The following SLC25A13 variants were observed in gnomAD, a reference collection of about 807,000 sequenced individuals.
SLC25A13 encodes solute carrier family 25 member 13.
In SLC25A13, 70 loss-of-function variants were observed where a neutral mutation model predicts 85.5. That is an observed-to-expected ratio of 0.82 (90% CI 0.68 to 1.00). The LOEUF is 1.00. SLC25A13 is among the 50% of genes least tolerant of loss of function. The pLI is 0.00. For missense variants in SLC25A13, 765 were observed against 819.8 expected (o/e 0.93, Z 0.82); for synonymous variants, 259 against 288.7 (o/e 0.90, Z 1.04).
chr7:96,139,239 T>C (rs1792422481), intron 14 of SLC25A13, among the ~76,000 whole-genome samples: 1 of 152,208 alleles, frequency 6.6e-6, no homozygotes, highest in South Asian at 2.1e-4. Flanking sequence ...AGAAAAATTT[T>C]TTTTTCAAAC....
At chr7:96,279,421 T>G (rs1030782519) in intron 2 of SLC25A13, among the ~76,000 whole-genome samples, 11 of 152,188 alleles carry the variant, frequency 7.2e-5, no homozygotes, top group Non-Finnish European at 1.2e-4. Flanking sequence ...GACTCACAGT[T>G]CCACATGGCT....
chr7:96,290,432 C>A (rs1288074747), intron 2 of SLC25A13, among the ~76,000 whole-genome samples: 1 of 152,024 alleles, frequency 6.6e-6, no homozygotes, highest in Non-Finnish European at 1.5e-5. Context: ...ACAATATTAA[C>A]CTTAAATGTA....
chr7:96,221,464 A>T (rs923915898), intron 4 of SLC25A13, among the ~76,000 whole-genome samples: 30 of 152,192 alleles, frequency 2.0e-4, no homozygotes, highest in Admixed American at 1.6e-3. Context: ...ATCAGAACCA[A>T]TATTAATGAA....
At chr7:96,314,023 A>G (rs1664143852) in intron 1 of SLC25A13, among the ~76,000 whole-genome samples, 1 of 152,170 alleles carries the variant, frequency 6.6e-6, no homozygotes, top group African/African-American at 2.4e-5. Flanking sequence ...TTCTATATGC[A>G]TATGTCATGC....
chr7:96,256,176 A>T (rs1797628787), intron 3 of SLC25A13, among the ~76,000 whole-genome samples: 1 of 152,216 alleles, frequency 6.6e-6, no homozygotes, highest in Non-Finnish European at 1.5e-5. Context: ...ACTAATGGGC[A>T]AAATAAATGG....
chr7:96,280,605 C>T (rs1352484538), intron 2 of SLC25A13, among the ~76,000 whole-genome samples: 3 of 152,048 alleles, frequency 2.0e-5, no homozygotes, highest in African/African-American at 7.3e-5. Flanking sequence ...GTCCCAGCTA[C>T]TTGGGAGACT....
At chr7:96,231,768 G>C (rs1170287785) in intron 4 of SLC25A13, among the ~76,000 whole-genome samples, 1 of 151,452 alleles carries the variant, frequency 6.6e-6, no homozygotes, top group Non-Finnish European at 1.5e-5. Flanking sequence ...AACATGAACA[G>C]ATATTTTCAA....
intron 4 of SLC25A13, among the ~76,000 whole-genome samples, chr7:96,222,533 C>T (rs1303915172): frequency 2.0e-5 from 3 of 152,154 alleles, no homozygotes; most frequent in Non-Finnish European, 2.9e-5. Context: ...GCAACCTCCA[C>T]CTCCTGGGTT....
chr7:96,193,237 T>C (rs1255453739), intron 5 of SLC25A13, 54 bp from the exon 6 acceptor site: 2 of 1,585,284 alleles, frequency 1.3e-6, no homozygotes, highest in Admixed American at 1.7e-5. Context: ...TAATAATTAC[T>C]ACAAATGACA....
In SLC25A13 at chr7:96,172,409, T is replaced by G. The variant is rs187974606; in HGVS notation, c.1178-885A>C. ...CCTGTCTCTACTAAAAATACAAAAA[T>G]TAGCTGGGTGTGGTGGCAGGCACCT... On this transcript the variant is annotated intron_variant, in intron 11 of 17. Transcript: ENST00000265631. Among the ~76,000 whole-genome samples, 23 of 151,912 alleles carry G rather than the reference T, an allele frequency of 1.5e-4. 1 individual carries two copies. In the East Asian group the frequency reaches 4.5e-3, roughly 30 times the overall value.
intron 13 of SLC25A13, among the ~76,000 whole-genome samples, chr7:96,155,141 T>G (rs544900874): frequency 5.3e-4 from 80 of 152,262 alleles, no homozygotes; most frequent in Non-Finnish European, 8.4e-4. Flanking sequence ...CTCATCTTTT[T>G]CTCTTTATTG....
At chr7:96,274,368 T>C (rs1798363482) in intron 3 of SLC25A13, among the ~76,000 whole-genome samples, 1 of 152,222 alleles carries the variant, frequency 6.6e-6, no homozygotes, top group African/African-American at 2.4e-5. Flanking sequence ...TGTTTTTTTC[T>C]TGTAGATTTG....
chr7:96,258,797 C>T (rs1414717734), intron 3 of SLC25A13, among the ~76,000 whole-genome samples: 1 of 152,162 alleles, frequency 6.6e-6, no homozygotes, highest in Admixed American at 6.5e-5. Context: ...AGGCATCATG[C>T]TACCTGACTT....
chr7:96,188,855 A>C (rs1794733116), intron 9 of SLC25A13, among the ~76,000 whole-genome samples: 1 of 152,226 alleles, frequency 6.6e-6, no homozygotes, highest in Non-Finnish European at 1.5e-5. Context: ...TTTGATATTC[A>C]GAAAAACGGA....
intron 2 of SLC25A13, among the ~76,000 whole-genome samples, chr7:96,294,501 C>T (rs987696794): frequency 7.9e-5 from 12 of 151,274 alleles, no homozygotes; most frequent in Non-Finnish European, 1.6e-4. Context: ...CCCAGCTACT[C>T]GGGAGGCTGA....
At chr7:96,242,046 C>A (rs578233683) in intron 3 of SLC25A13, among the ~76,000 whole-genome samples, 9 of 152,314 alleles carry the variant, frequency 5.9e-5, no homozygotes, top group African/African-American at 2.2e-4. Context: ...TGGTTGTAGA[C>A]AATGTACCAT....
At chr7:96,142,535 T>C (rs1011781346) in intron 14 of SLC25A13, among the ~76,000 whole-genome samples, 1 of 152,188 alleles carries the variant, frequency 6.6e-6, no homozygotes, top group East Asian at 1.9e-4. Context: ...ATTCTATGTC[T>C]TTGCTATGGA....
chr7:96,321,372 G>C (rs906332819), intron 1 of SLC25A13, among the ~76,000 whole-genome samples: 56 of 152,188 alleles, frequency 3.7e-4, no homozygotes, highest in African/African-American at 1.2e-3. Context: ...ATGGGAAAGC[G>C]GGGAGGGGGA....
intron 11 of SLC25A13, among the ~76,000 whole-genome samples, chr7:96,177,977 T>C (rs1048436799): frequency 2.0e-5 from 3 of 152,194 alleles, no homozygotes; most frequent in African/African-American, 7.2e-5. Flanking sequence ...TCTGAAACTT[T>C]TCTCTAGGCC....
Sources: allele counts gnomAD v4.1 joint callset (sites outside exome capture counted in the v4.1 genomes callset), GRCh38; gene constraint gnomAD v4.1.1; transcripts MANE v1.5; gene names NCBI Gene and HGNC (gene_info 2026-07-23, HGNC 2026-07-21).